Variants in ZNF827 observed in about 807,000 individuals in gnomAD.
The protein encoded by ZNF827 is zinc finger protein 827.
A neutral mutation model predicts 102.4 loss-of-function variants in ZNF827; 13 were observed. The ratio of observed to expected loss-of-function variants is 0.13; its 90% CI spans 0.08 to 0.20. The LOEUF is 0.20. ZNF827 is among the 10% of genes least tolerant of loss of function. The pLI, the probability that ZNF827 is intolerant of heterozygous loss-of-function variation, is 1.00. For synonymous variants in ZNF827, 523 were observed against 536.2 expected (o/e 0.98, Z 0.34); for missense variants, 1,103 against 1,344.4 (o/e 0.82, Z 2.81).
intron 4 of ZNF827, among the ~76,000 whole-genome samples, chr4:145,871,772 C>T (rs1229171269): frequency 6.6e-6 from 1 of 152,158 alleles, no homozygotes; most frequent in African/African-American, 2.4e-5. Flanking sequence ...CATCTCATAC[C>T]CCTGTAAGAA....
At chr4:145,815,730 C>T (rs1341761957) in intron 8 of ZNF827, among the ~76,000 whole-genome samples, 5 of 152,160 alleles carry the variant, frequency 3.3e-5, no homozygotes, top group African/African-American at 9.7e-5. Context: ...TTGAATTAGC[C>T]AGTCCCAAAC....
chr4:145,919,751 A>C (rs1346247700), intron 1 of ZNF827, among the ~76,000 whole-genome samples: 1 of 152,238 alleles, frequency 6.6e-6, no homozygotes, highest in Non-Finnish European at 1.5e-5. Flanking sequence ...GTACATGTAA[A>C]CTGCAAAGCA....
At chr4:145,881,164 T>C (rs2126803323) in intron 4 of ZNF827, among the ~76,000 whole-genome samples, 1 of 152,344 alleles carries the variant, frequency 6.6e-6, no homozygotes, top group Admixed American at 6.5e-5. Flanking sequence ...ACAAACACAT[T>C]AACCTACACC....
rs145012381 is a variant in ZNF827 at position 145,779,385 on chromosome 4, G to A, written c.2510C>T (p.Ser837Leu). Reference protein sequence around the residue: ...GRQQTLSRHLSLHTEERKYKC... With the variant: ...GRQQTLSRHLLLHTEERKYKC... ...CCCTACTCACTCACCTGTGTGCAGCGAGAGGTGTCGGGACAATGTCTGCTG... is the reference window on the plus strand; with the variant it reads ...CCCTACTCACTCACCTGTGTGCAGCAAGAGGTGTCGGGACAATGTCTGCTG... The change falls in exon 9 of 15, where the codon TCG becomes TTG. Residue 837 changes from serine (S) to leucine (L), a missense_variant. Physicochemically the swap from Ser to Leu is moderately radical, Grantham distance 145. Coordinates refer to ENST00000508784, the MANE Select transcript of ZNF827 (RefSeq NM_001306215.2). 1.9e-4 allele frequency: 299 copies of A among 1,613,966 alleles called. 1 individual carries two copies. The highest frequency in any genetic ancestry group is 5.6e-4 in the South Asian group (51 of 91,080).
chr4:145,765,975 A>C lies in ZNF827; in HGVS notation c.2861-237T>G, dbSNP rs893559468. 6.6e-5 allele frequency among the ~76,000 whole-genome samples: 10 copies of C among 152,184 alleles called. No individual in the cohort carries two copies. The highest frequency in any genetic ancestry group is 1.2e-4 in the Non-Finnish European group (8 of 68,018). Reference sequence around the variant, plus strand: ...TGACAAGTGTTTATTAAGGTCTTACATGAATTAAAATAAAACGACAGTAAT... The same window carrying C: ...TGACAAGTGTTTATTAAGGTCTTACCTGAATTAAAATAAAACGACAGTAAT... On this transcript the variant is annotated intron_variant, in intron 11 of 14. Coordinates refer to ENST00000508784, the MANE Select transcript of ZNF827 (RefSeq NM_001306215.2). This position sits in a 1 kb window ranked among gnomAD's most constrained non-coding sequence, Gnocchi z 4.7.
chr4:145,918,279 G>A (rs1286725122), intron 1 of ZNF827, among the ~76,000 whole-genome samples: 3 of 86,116 alleles, frequency 3.5e-5, no homozygotes, highest in African/African-American at 1.4e-4. Context: ...CTTATATTTT[G>A]TTGTTGTTTT....
chr4:145,790,869 G>GGTT, intron 8 of ZNF827, among the ~76,000 whole-genome samples: 1 of 152,148 alleles, frequency 6.6e-6, no homozygotes, highest in South Asian at 2.1e-4. Context: ...CCTGACCTTG[G>GGTT]GTTTTAGCAC....
chr4:145,773,118 A>C (rs75563615), intron 11 of ZNF827, among the ~76,000 whole-genome samples: 1 of 152,208 alleles, frequency 6.6e-6, no homozygotes, highest in Non-Finnish European at 1.5e-5. Context: ...GAGAAAAAAA[A>C]GACTATCTGA....
At chr4:145,779,235 G>T in intron 9 of ZNF827, 139 bp downstream of exon 9, 1 of 1,155,470 alleles carries the variant, frequency 8.7e-7, no homozygotes, top group Non-Finnish European at 1.2e-6. Flanking sequence ...CTTTAAACAT[G>T]CCAGAGAAAA....
chr4:145,879,922 C>G (rs540962002), intron 4 of ZNF827, among the ~76,000 whole-genome samples: 2 of 152,284 alleles, frequency 1.3e-5, no homozygotes, highest in African/African-American at 4.8e-5. Context: ...CCTGGAACCA[C>G]ACTGCCTGGA....
At chr4:145,835,522 A>C (rs1158499291) in intron 7 of ZNF827, among the ~76,000 whole-genome samples, 1 of 149,574 alleles carries the variant, frequency 6.7e-6, no homozygotes, top group Non-Finnish European at 1.5e-5. Flanking sequence ...AGACACTTTA[A>C]CTAAATTATC....
intron 4 of ZNF827, among the ~76,000 whole-genome samples, chr4:145,882,432 T>A (rs562457969): frequency 6.6e-6 from 1 of 152,298 alleles, no homozygotes; most frequent in Non-Finnish European, 1.5e-5. Context: ...GTGTTAAGTG[T>A]GGGCTCAGTC....
chr4:145,840,641 A>C (rs61108955), intron 7 of ZNF827, among the ~76,000 whole-genome samples: 153 of 152,334 alleles, frequency 1.0e-3, no homozygotes, highest in African/African-American at 3.6e-3. Context: ...GCTTCTGTCT[A>C]ATTCAGTGTT....
At chr4:145,909,359 G>T (rs1337341696) in intron 1 of ZNF827, among the ~76,000 whole-genome samples, 2 of 152,150 alleles carry the variant, frequency 1.3e-5, no homozygotes, top group Non-Finnish European at 2.9e-5. Context: ...ACAATAAAAG[G>T]GGCACAATGG....
At chr4:145,813,583 T>A (rs1055922440) in intron 8 of ZNF827, among the ~76,000 whole-genome samples, 1 of 152,192 alleles carries the variant, frequency 6.6e-6, no homozygotes, top group Non-Finnish European at 1.5e-5. Context: ...ATTCTATTTA[T>A]AAAAGGCTTT....
At chr4:145,853,093 G>A (rs1011754472) in intron 5 of ZNF827, among the ~76,000 whole-genome samples, 4 of 152,164 alleles carry the variant, frequency 2.6e-5, no homozygotes, top group African/African-American at 9.7e-5. Context: ...ACAAGACAAA[G>A]AAGAAAGAAA....
At chr4:145,889,507 T>A (rs1329132457) in intron 3 of ZNF827, among the ~76,000 whole-genome samples, 1 of 152,054 alleles carries the variant, frequency 6.6e-6, no homozygotes, top group African/African-American at 2.4e-5. Context: ...CTAAGGTTTT[T>A]CTGACCATAC....
At chr4:145,850,366 C>A (rs1000524103) in intron 5 of ZNF827, among the ~76,000 whole-genome samples, 1 of 152,150 alleles carries the variant, frequency 6.6e-6, no homozygotes, top group Non-Finnish European at 1.5e-5. Context: ...AGGGCACATA[C>A]ATTAATCAAG....
chr4:145,790,280 G>C (rs933203328), intron 8 of ZNF827, among the ~76,000 whole-genome samples: 16 of 152,044 alleles, frequency 1.1e-4, no homozygotes, highest in African/African-American at 3.9e-4. Flanking sequence ...TCTCTTGTTT[G>C]TCATTGAACT....
Sources: gnomAD v4.1 joint callset for allele counts (sites outside exome capture counted in the v4.1 genomes callset) on GRCh38, gnomAD v4.1.1 for gene constraint, Gnocchi (gnomAD v3.1) non-coding constraint, MANE v1.5 for transcripts, NCBI Gene and HGNC (gene_info 2026-07-23, HGNC 2026-07-21) for gene names.